COL18A1: variants seen among roughly 807,000 people sequenced by gnomAD.
COL18A1 encodes collagen alpha-1(XVIII) chain.
Under a neutral mutation model 168.0 loss-of-function variants are expected in COL18A1, and 133 were observed. That is an observed-to-expected ratio of 0.79 (90% CI 0.69 to 0.91). The LOEUF (loss-of-function observed/expected upper bound fraction) is 0.91, where lower values mean the gene tolerates loss of function less well. COL18A1 is among the 40% of genes least tolerant of loss of function. The pLI is 0.00. For missense variants in COL18A1, 2,126 were observed against 1,925.4 expected (o/e 1.10, Z -1.95); for synonymous variants, 949 against 809.0 (o/e 1.17, Z -2.94).
intron 2 of COL18A1, among the ~76,000 whole-genome samples, chr21:45,453,861 A>C (rs537766934): frequency 6.6e-6 from 1 of 152,156 alleles, no homozygotes; most frequent in Admixed American, 6.5e-5. Context: ...CAGGAGGTGT[A>C]TATTGGGGGG....
chr21:45,509,428 C>T lies in COL18A1; in HGVS notation c.3322C>T (p.His1108Tyr). The T allele has an allele frequency of 1.3e-6, 2 of 1,533,688 alleles. No individual in the cohort carries two copies. Among genetic ancestry groups the T allele is most frequent in the Non-Finnish European group, 1.8e-6 (2 of 1,140,630 alleles). The change falls in exon 39 of 42, where the codon CAC (histidine) becomes TAC (tyrosine). Residue 1108 changes from histidine (H) to tyrosine (Y), a missense_variant. By Grantham distance (83) the His-to-Tyr change is moderately conservative (BLOSUM62 2). Coordinates refer to ENST00000651438, the MANE Select transcript of COL18A1 (RefSeq NM_001379500.1). ...HDSNPYPRREHPHPTARPWRA... is the reference protein window; with the variant it reads ...HDSNPYPRREYPHPTARPWRA... Reference sequence around the variant, plus strand: ...CAGCAACCCCTACCCGCGGCGGGAGCACCCCCACCCCACCGCGCGGCCCTG... The same window carrying T: ...CAGCAACCCCTACCCGCGGCGGGAGTACCCCCACCCCACCGCGCGGCCCTG...
chr21:45,511,079 C>CCACA lies in COL18A1; in HGVS notation c.3694-25_3694-22dup, dbSNP rs752924412. 4 of 1,034,790 alleles carry CCACA rather than the reference C, an allele frequency of 3.9e-6. No homozygotes were observed. The Admixed American group carries it at 8.5e-5, about 22-fold the overall frequency. 64.1% of individuals were successfully genotyped at this position (1,034,790 alleles called of 1,614,324 possible). On this transcript the variant is annotated intron_variant, in intron 40 of 41. Transcript: ENST00000651438. The stretch of plus-strand genomic sequence containing the variant: ...CCACACCCATCCACACCCCCACACA[C>CCACA]CACACACACATACACACGGTTTCTC...
intron 13 of COL18A1, 62 bp downstream of exon 13, chr21:45,480,920 C>T: frequency 9.0e-6 from 14 of 1,549,066 alleles, no homozygotes; most frequent in Non-Finnish European, 1.2e-5. Flanking sequence ...GGGGTGAACA[C>T]CCCACATGGG....
chr21:45,496,100 TGCCCTCCATGCCCTCCAA>T (rs1250847313), intron 29 of COL18A1: 14 of 352,930 alleles, frequency 4.0e-5, no homozygotes, highest in Admixed American at 8.3e-5. Context: ...ATGCCCTCCA[TGCCCTCCATGCCCTCCAA>T]GCCCTCCATG....
At chr21:45,453,224 ATG>A (rs1198421121) in intron 2 of COL18A1, among the ~76,000 whole-genome samples, 2 of 152,078 alleles carry the variant, frequency 1.3e-5, no homozygotes, top group African/African-American at 4.8e-5. Context: ...ATGTATGTAC[ATG>A]TGTGTGCTTG....
intron 26 of COL18A1, chr21:45,494,182 T>C (rs761867075): frequency 2.2e-6 from 1 of 453,652 alleles, no homozygotes; most frequent in Non-Finnish European, 4.1e-6. Context: ...AGAGCTCCAC[T>C]ATCCCACCCA....
At chr21:45,454,328 T>A (rs1175937878) in intron 2 of COL18A1, among the ~76,000 whole-genome samples, 1 of 152,122 alleles carries the variant, frequency 6.6e-6, no homozygotes, top group Non-Finnish European at 1.5e-5. Context: ...TGGGGCTGTT[T>A]CGTCACAGCT....
intron 38 of COL18A1, among the ~76,000 whole-genome samples, chr21:45,508,426 G>A (rs900662524): frequency 1.3e-5 from 2 of 150,404 alleles, no homozygotes; most frequent in African/African-American, 2.5e-5. Flanking sequence ...ATGAATGGGT[G>A]GATGGATGGT....
chr21:45,456,528 G>GCTGCCTGCCC, intron 2 of COL18A1: 1 of 1,547,718 alleles, frequency 6.5e-7, no homozygotes, highest in Non-Finnish European at 8.7e-7. Flanking sequence ...CCCGCCGGTC[G>GCTGCCTGCCC]CTGCCTGCCC....
intron 2 of COL18A1, among the ~76,000 whole-genome samples, chr21:45,461,941 G>T (rs1472631951): frequency 6.6e-6 from 1 of 152,134 alleles, no homozygotes; most frequent in Non-Finnish European, 1.5e-5. Context: ...ACCATTTTCT[G>T]CAGGGCAGGT....
Position 45,488,425 on chromosome 21 carries a change from C to G in COL18A1, c.1904C>G (p.Pro635Arg). Residue 635 changes from proline to arginine, a missense_variant, in exon 18 of 42, where the codon CCC becomes CGC. Transcript: ENST00000651438. ...ARSADGPQGP[P>R]GLPGLKGDPG... The stretch of plus-strand genomic sequence containing the variant: ...TCTCCTCTGCCCTGACAGGGACCTC[C>G]CGGCCTGCCGGGACTTAAGGTCAGT... 1.9e-6 allele frequency: 3 copies of G among 1,613,914 alleles called. No individual in the cohort carries two copies. The highest frequency in any genetic ancestry group is 2.5e-6 in the Non-Finnish European group (3 of 1,180,012).
chr21:45,487,704 A>G (rs1739727222), intron 17 of COL18A1, 195 bp downstream of exon 17: 1 of 727,450 alleles, frequency 1.4e-6, no homozygotes, highest in Admixed American at 2.0e-5. Flanking sequence ...ATTGAACTAA[A>G]GTCACGGGGT....
chr21:45,419,562 A>G (rs2033557201), intron 2 of COL18A1, among the ~76,000 whole-genome samples: 1 of 152,118 alleles, frequency 6.6e-6, no homozygotes, highest in African/African-American at 2.4e-5. Context: ...ATGTCCTGCC[A>G]GGTACAGTGT....
At position 45,471,414 on chromosome 21, in the gene COL18A1, C is replaced by G. The variant is rs2035424721; in HGVS notation, c.652-2481C>G. Among the ~76,000 whole-genome samples the G allele has an allele frequency of 6.6e-6, 1 of 152,224 alleles. No individual in the cohort carries two copies. The highest frequency in any genetic ancestry group is 2.4e-5 in the African/African-American group (1 of 41,464). On this transcript the variant is annotated intron_variant, in intron 3 of 41. Coordinates refer to ENST00000651438, the MANE Select transcript of COL18A1 (RefSeq NM_001379500.1). This position sits in a 1 kb window ranked among gnomAD's most constrained non-coding sequence, Gnocchi z 4.4. Reference sequence around the variant, plus strand: ...AAAGAAACATTCAAGTTGTGTGACTCATAATTTTTGGCAGAAACAAGCACA... The same window carrying G: ...AAAGAAACATTCAAGTTGTGTGACTGATAATTTTTGGCAGAAACAAGCACA...
intron 32 of COL18A1, among the ~76,000 whole-genome samples, chr21:45,503,587 G>C (rs1336914947): frequency 7.0e-6 from 1 of 142,094 alleles, no homozygotes; most frequent in Non-Finnish European, 1.5e-5. Flanking sequence ...ACTGAACAAT[G>C]AGATCACATG....
chr21:45,462,282 A>G (rs78314991), intron 2 of COL18A1, among the ~76,000 whole-genome samples: 4,278 of 152,202 alleles, frequency 0.028, 210 homozygotes, highest in African/African-American at 0.097. Context: ...TGAGCTCTTA[A>G]CTGTTTATAT....
intron 14 of COL18A1, 141 bp downstream of exon 14, chr21:45,482,166 G>A (rs560076000): frequency 8.4e-5 from 58 of 688,722 alleles, no homozygotes; most frequent in Non-Finnish European, 1.4e-4. Flanking sequence ...GGGGCCTCGC[G>A]CTCTGGAGGT....
At chr21:45,439,106 T>A (rs2034297990) in intron 2 of COL18A1, among the ~76,000 whole-genome samples, 1 of 152,264 alleles carries the variant, frequency 6.6e-6, no homozygotes. Flanking sequence ...GTGACCCTTA[T>A]GTGTCTGTTA....
rs75379622 is a variant in COL18A1, at chr21:45,461,521, C to G, written c.107-6721C>G. ...ACACCTGCTGGTCTCCTGGTGCCCC[C>G]CTGCAGGGCTCTTCCTTGTCCTGCA... On this transcript the variant is annotated intron_variant, in intron 2 of 41. Transcript: ENST00000651438. 2.7e-3 allele frequency among the ~76,000 whole-genome samples: 406 copies of G among 152,214 alleles called. 1 individual carries two copies. Among genetic ancestry groups the G allele is most frequent in the Non-Finnish European group, 4.8e-3 (328 of 67,978 alleles).
Sources: allele counts gnomAD v4.1 joint callset (sites outside exome capture counted in the v4.1 genomes callset), GRCh38; gene constraint gnomAD v4.1.1; non-coding constraint Gnocchi (gnomAD v3.1); transcripts MANE v1.5; gene names NCBI Gene and HGNC (gene_info 2026-07-23, HGNC 2026-07-21).